ANTXR2: variants seen among roughly 807,000 people sequenced by gnomAD.
ANTXR2 encodes ANTXR cell adhesion molecule 2, also known as anthrax toxin receptor 2.
ANTXR2 carries 44 observed loss-of-function variants against 73.7 expected under a neutral mutation model. The observed-to-expected ratio is 0.60, with a 90% confidence interval of 0.47 to 0.77. The LOEUF (loss-of-function observed/expected upper bound fraction) is 0.77, where lower values mean the gene tolerates loss of function less well. ANTXR2 is among the 30% of genes least tolerant of loss of function. The pLI is 0.00. For synonymous variants in ANTXR2, 217 were observed against 205.9 expected (o/e 1.05, Z -0.46); for missense variants, 604 against 592.5 (o/e 1.02, Z -0.20).
intron 14 of ANTXR2, among the ~76,000 whole-genome samples, chr4:79,983,367 A>C (rs1560938038): frequency 6.6e-6 from 1 of 152,150 alleles, no homozygotes; most frequent in Non-Finnish European, 1.5e-5. Context: ...CTGAAAGTTC[A>C]ATGCATTCTA....
chr4:80,037,010 T>C (rs868608084), intron 7 of ANTXR2, among the ~76,000 whole-genome samples: 54 of 152,214 alleles, frequency 3.5e-4, no homozygotes, highest in Middle Eastern at 3.4e-3. Context: ...ACAGAACTGC[T>C]CTTCTTAGCT....
intron 13 of ANTXR2, 146 bp downstream of exon 13, chr4:79,984,673 G>T: frequency 1.3e-6 from 1 of 767,500 alleles, no homozygotes; most frequent in South Asian, 1.6e-5. Flanking sequence ...ATAAGAGGAT[G>T]AAAAATAACC....
At chr4:79,962,225 T>A (rs1029786393) in intron 16 of ANTXR2, among the ~76,000 whole-genome samples, 5 of 152,192 alleles carry the variant, frequency 3.3e-5, no homozygotes, top group African/African-American at 7.2e-5. Context: ...TGAGCAAATA[T>A]GTCCTATAAG....
chr4:79,926,030 T>C (rs1271392975), intron 16 of ANTXR2, among the ~76,000 whole-genome samples: 1 of 152,122 alleles, frequency 6.6e-6, no homozygotes, highest in Non-Finnish European at 1.5e-5. Flanking sequence ...CAATGTTGTA[T>C]GTGCTTTACC....
intron 12 of ANTXR2, among the ~76,000 whole-genome samples, chr4:79,996,444 C>A (rs1008663388): frequency 2.0e-4 from 31 of 151,882 alleles, no homozygotes; most frequent in African/African-American, 7.2e-4. Flanking sequence ...TAGAGTTTAT[C>A]ACCATTTTAT....
Position 80,031,603 on chromosome 4 carries a change from G to T in ANTXR2, c.866+20C>A, listed in dbSNP as rs1039171838. On this transcript the variant is annotated intron_variant, in intron 10 of 16. Coordinates refer to ENST00000403729, the MANE Select transcript of ANTXR2 (RefSeq NM_058172.6). ...TTTTTACTAAAAATGTTATAAAATT[G>T]TTTTAAATTAAGTACTTACTCTCCA... 2.3e-5 allele frequency: 33 copies of T among 1,441,324 alleles called. No homozygotes were observed. Among genetic ancestry groups the T allele is most frequent in the Non-Finnish European group, 2.5e-5 (27 of 1,087,474 alleles). 89.3% of individuals were successfully genotyped at this position (1,441,324 alleles called of 1,614,324 possible).
intron 16 of ANTXR2, among the ~76,000 whole-genome samples, chr4:79,937,134 G>A (rs748444550): frequency 6.6e-6 from 1 of 151,832 alleles, no homozygotes; most frequent in Non-Finnish European, 1.5e-5. Context: ...TTTTAATTCA[G>A]TTATAAATAG....
At chr4:79,952,819 TTAA>T (rs1424101056) in intron 16 of ANTXR2, among the ~76,000 whole-genome samples, 3 of 151,490 alleles carry the variant, frequency 2.0e-5, no homozygotes, top group African/African-American at 2.4e-5. Flanking sequence ...CTTATTATTA[TTAA>T]TAATAGTAAT....
intron 16 of ANTXR2, among the ~76,000 whole-genome samples, chr4:79,919,534 A>C (rs1175959175): frequency 6.6e-6 from 1 of 152,062 alleles, no homozygotes; most frequent in Non-Finnish European, 1.5e-5. Context: ...GCATGGTCAG[A>C]GGTAGAAGGA....
At chr4:79,961,178 G>T (rs1334494567) in intron 16 of ANTXR2, among the ~76,000 whole-genome samples, 1 of 151,838 alleles carries the variant, frequency 6.6e-6, no homozygotes, top group South Asian at 2.1e-4. Flanking sequence ...GTAGAATAAT[G>T]TAGATTTCTG....
At chr4:80,022,978 C>T (rs1732239329) in intron 10 of ANTXR2, among the ~76,000 whole-genome samples, 1 of 152,090 alleles carries the variant, frequency 6.6e-6, no homozygotes, top group South Asian at 2.1e-4. Flanking sequence ...ATACCTGGGA[C>T]ACAACAGGTA....
intron 16 of ANTXR2, among the ~76,000 whole-genome samples, chr4:79,936,859 C>A (rs112993413): frequency 3.6e-4 from 55 of 152,114 alleles, no homozygotes; most frequent in African/African-American, 1.3e-3. Flanking sequence ...TAGTACCACA[C>A]TAAAGGTACT....
intron 7 of ANTXR2, among the ~76,000 whole-genome samples, chr4:80,045,191 A>G (rs1345210466): frequency 1.3e-5 from 2 of 151,784 alleles, no homozygotes; most frequent in African/African-American, 4.8e-5. Flanking sequence ...TCTTCTTTTT[A>G]AAGTCTTATT....
chr4:80,020,877 C>G (rs1288897190), intron 10 of ANTXR2, among the ~76,000 whole-genome samples: 1 of 152,082 alleles, frequency 6.6e-6, no homozygotes, highest in Non-Finnish European at 1.5e-5. Context: ...GATGGTTTAG[C>G]TAGGCTGGGC....
intron 16 of ANTXR2, among the ~76,000 whole-genome samples, chr4:79,921,751 TGTTG>T (rs56094047): frequency 0.51 from 64,402 of 126,892 alleles, 15,211 homozygotes; most frequent in Non-Finnish European, 0.57. Context: ...TTTGTTTGTT[TGTTG>T]GTTGGTTGGT....
chr4:79,944,205 T>C (rs1332438317), intron 16 of ANTXR2, among the ~76,000 whole-genome samples: 1 of 69,438 alleles, frequency 1.4e-5, no homozygotes, highest in Non-Finnish European at 3.0e-5. Context: ...TTCAAGTCTA[T>C]TAAATGTACT....
Position 79,984,028 on chromosome 4 carries a change from C to A in ANTXR2, c.1087-58G>T. 3 of 1,194,748 alleles carry A rather than the reference C, an allele frequency of 2.5e-6. No homozygotes were observed. In the South Asian group the frequency reaches 4.4e-5, roughly 18 times the overall value. 74.0% of individuals were successfully genotyped at this position (1,194,748 alleles called of 1,614,324 possible). A position where few individuals can be genotyped will look rare whatever the true frequency, so the allele number is the denominator to read the frequency against. Reference sequence around the variant, plus strand: ...TTAATTTCTTAAAATACTGTTTAGTCGGAACTGGCTCATATTTAAATATTT... The same window carrying A: ...TTAATTTCTTAAAATACTGTTTAGTAGGAACTGGCTCATATTTAAATATTT... On this transcript the variant is annotated intron_variant, in intron 13 of 16. Coordinates refer to ENST00000403729, the MANE Select transcript of ANTXR2 (RefSeq NM_058172.6).
intron 12 of ANTXR2, among the ~76,000 whole-genome samples, chr4:79,996,900 T>C (rs2110039009): frequency 6.6e-6 from 1 of 152,086 alleles, no homozygotes; most frequent in Admixed American, 6.6e-5. Context: ...CAGCTCTGTA[T>C]TGAAGATTCT....
chr4:80,055,316 G>A (rs375189293), intron 5 of ANTXR2, 44 bp downstream of exon 5: 153 of 1,565,556 alleles, frequency 9.8e-5, no homozygotes, highest in South Asian at 2.4e-4. Flanking sequence ...GACACACAGC[G>A]ATGTACAGTG....
Sources: allele counts gnomAD v4.1 joint callset (sites outside exome capture counted in the v4.1 genomes callset), GRCh38; gene constraint gnomAD v4.1.1; transcripts MANE v1.5; gene names NCBI Gene and HGNC (gene_info 2026-07-23, HGNC 2026-07-21).